The following FBN2 variants were observed in gnomAD, a reference collection of about 807,000 sequenced individuals.
FBN2 encodes fibrillin-2.
FBN2 carries 105 observed loss-of-function variants against 355.6 expected under a neutral mutation model. The ratio of observed to expected loss-of-function variants is 0.30; its 90% confidence interval spans 0.25 to 0.35. FBN2 has a LOEUF of 0.35. FBN2 is among the 10% of genes least tolerant of loss of function. FBN2 has a pLI of 1.00. For synonymous variants in FBN2, 1,350 were observed against 1,301.2 expected (o/e 1.04, Z -0.81); for missense variants, 3,280 against 3,758.7 (o/e 0.87, Z 3.33).
chr5:128,527,781 A>G (rs750897182), intron 4 of FBN2, 91 bp downstream of exon 4: 5 of 962,388 alleles, frequency 5.2e-6, no homozygotes, highest in Non-Finnish European at 8.2e-6. Flanking sequence ...TGTTTTTTCA[A>G]AAGATCACAG....
At chr5:128,264,865 A>G (rs1765079955) in intron 62 of FBN2, among the ~76,000 whole-genome samples, 1 of 152,228 alleles carries the variant, frequency 6.6e-6, no homozygotes, top group African/African-American at 2.4e-5. Context: ...ATGGGCTCTC[A>G]GTGAAGAGGC....
intron 35 of FBN2, among the ~76,000 whole-genome samples, 174 bp from the exon 36 acceptor site, chr5:128,318,445 A>C (rs1259798455): frequency 1.3e-5 from 2 of 152,220 alleles, no homozygotes; most frequent in African/African-American, 4.8e-5. Flanking sequence ...AACAGGTTCC[A>C]TACATCAAGG....
chr5:128,475,418 G>A (rs1002062636), intron 5 of FBN2, among the ~76,000 whole-genome samples: 3 of 152,074 alleles, frequency 2.0e-5, no homozygotes, highest in Admixed American at 1.3e-4. Context: ...TGCAAAAAAA[G>A]GGATGGTCAC....
chr5:128,287,241 A>G lies in FBN2; in HGVS notation c.6880+67T>C, dbSNP rs1317116399. 3 of 1,569,640 alleles carry G rather than the reference A, an allele frequency of 1.9e-6. No homozygotes were observed. The East Asian group carries it at 6.7e-5, about 35-fold the overall frequency. On this transcript the variant is annotated intron_variant, in intron 54 of 64. Coordinates refer to ENST00000262464, the MANE Select transcript of FBN2 (RefSeq NM_001999.4). ...TAGAAGAAATTAGTTGAGAACTATA[A>G]AATCATTAAGATGTATCTCCAGCAT...
intron 48 of FBN2, among the ~76,000 whole-genome samples, chr5:128,298,415 A>G (rs994316388): frequency 5.9e-5 from 9 of 152,148 alleles, no homozygotes; most frequent in African/African-American, 2.2e-4. Flanking sequence ...TCTCCTGGAT[A>G]ACATCCTGCA....
intron 6 of FBN2, among the ~76,000 whole-genome samples, chr5:128,449,421 TA>T (rs1561462760): frequency 1.3e-3 from 182 of 138,960 alleles, no homozygotes; most frequent in African/African-American, 4.6e-3. Context: ...TAGTATACTA[TA>T]TAATAGTATA....
chr5:128,337,268 T>C (rs996884953), intron 27 of FBN2, among the ~76,000 whole-genome samples: 1 of 152,220 alleles, frequency 6.6e-6, no homozygotes, highest in Non-Finnish European at 1.5e-5. Flanking sequence ...TAAATAAATA[T>C]ATGTGTATTG....
chr5:128,449,167 C>T (rs569958104), intron 6 of FBN2, among the ~76,000 whole-genome samples: 5 of 150,724 alleles, frequency 3.3e-5, no homozygotes, highest in South Asian at 2.1e-4. Flanking sequence ...ACAACAATAA[C>T]GTATTTTGGA....
intron 5 of FBN2, among the ~76,000 whole-genome samples, chr5:128,477,505 C>T (rs1176549391): frequency 6.6e-6 from 1 of 152,132 alleles, no homozygotes; most frequent in African/African-American, 2.4e-5. Context: ...GCTATAATGA[C>T]TTCTTTTATT....
chr5:128,526,885 T>C (rs1358051138), intron 4 of FBN2, among the ~76,000 whole-genome samples: 1 of 152,152 alleles, frequency 6.6e-6, no homozygotes, highest in African/African-American at 2.4e-5. Context: ...TGGTAAATTT[T>C]GTTATGTATA....
At chr5:128,336,140 T>G in intron 27 of FBN2, 27 bp from the exon 28 acceptor site, 1 of 1,609,974 alleles carries the variant, frequency 6.2e-7, no homozygotes, top group Non-Finnish European at 8.5e-7. Context: ...GAAGTAATGC[T>G]TTACACAATG....
intron 48 of FBN2, 133 bp downstream of exon 48, chr5:128,300,684 T>C (rs1299500009): frequency 1.1e-6 from 1 of 896,926 alleles, no homozygotes; most frequent in Non-Finnish European, 1.9e-6. Flanking sequence ...GTAAAACAGA[T>C]GTAGGCAGCT....
intron 34 of FBN2, among the ~76,000 whole-genome samples, chr5:128,322,624 G>A (rs1026922128): frequency 1.3e-5 from 2 of 152,074 alleles, no homozygotes; most frequent in African/African-American, 4.8e-5. Context: ...TGAGGGCTCT[G>A]TTCTGTTCCA....
chr5:128,472,666 C>T (rs1754897856), intron 5 of FBN2, among the ~76,000 whole-genome samples: 1 of 151,884 alleles, frequency 6.6e-6, no homozygotes, highest in African/African-American at 2.4e-5. Flanking sequence ...TGGCACATGC[C>T]CATAATCCCA....
chr5:128,262,606 T>G (rs1018081623), intron 63 of FBN2, among the ~76,000 whole-genome samples: 2 of 152,184 alleles, frequency 1.3e-5, no homozygotes, highest in Non-Finnish European at 2.9e-5. Context: ...AAACTGAGAT[T>G]TCTGAACTTA....
chr5:128,479,589 C>T (rs1755099992), intron 5 of FBN2, among the ~76,000 whole-genome samples: 1 of 151,862 alleles, frequency 6.6e-6, no homozygotes, highest in Non-Finnish European at 1.5e-5. Flanking sequence ...ATGGCTGAAC[C>T]AGGTGAAAAG....
At chr5:128,271,730 A>G (rs1046497730) in intron 62 of FBN2, among the ~76,000 whole-genome samples, 1 of 152,208 alleles carries the variant, frequency 6.6e-6, no homozygotes, top group Non-Finnish European at 1.5e-5. Context: ...TCATCTTCAG[A>G]AACTTAAAAT....
chr5:128,472,985 G>A (rs895447656), intron 5 of FBN2, among the ~76,000 whole-genome samples: 1 of 152,118 alleles, frequency 6.6e-6, no homozygotes, highest in Non-Finnish European at 1.5e-5. Context: ...TGGAGGGCAT[G>A]GAAATATTCA....
At chr5:128,395,344 T>C in intron 8 of FBN2, 70 bp from the exon 9 acceptor site, 2 of 1,537,974 alleles carry the variant, frequency 1.3e-6, no homozygotes, top group East Asian at 2.3e-5. Flanking sequence ...TCACTGTACA[T>C]GAGATGAATG....
Sources: gnomAD v4.1 joint callset for allele counts (sites outside exome capture counted in the v4.1 genomes callset) on GRCh38, gnomAD v4.1.1 for gene constraint, MANE v1.5 for transcripts, NCBI Gene and HGNC (gene_info 2026-07-23, HGNC 2026-07-21) for gene names.